DGKB: variants seen among roughly 807,000 people sequenced by gnomAD.
The protein encoded by DGKB is diacylglycerol kinase beta, also known as 90 kDa diacylglycerol kinase.
A neutral mutation model predicts 114.3 loss-of-function variants in DGKB; 67 were observed. That is an observed-to-expected ratio of 0.59 (90% CI 0.48 to 0.72). DGKB has a LOEUF of 0.72. Ranked by LOEUF, DGKB falls within the 30% of genes least tolerant of loss-of-function variation. DGKB has a pLI of 0.00. For synonymous variants in DGKB, 398 were observed against 323.1 expected (o/e 1.23, Z -2.49); for missense variants, 907 against 975.2 (o/e 0.93, Z 0.93).
At chr7:14,394,892 T>C (rs1411198641) in intron 21 of DGKB, among the ~76,000 whole-genome samples, 3 of 152,136 alleles carry the variant, frequency 2.0e-5, no homozygotes, top group Non-Finnish European at 1.5e-5. Context: ...AAAATCCATA[T>C]ATATGACTAA....
At chr7:14,433,827 G>A (rs909603625) in intron 21 of DGKB, among the ~76,000 whole-genome samples, 8 of 152,010 alleles carry the variant, frequency 5.3e-5, no homozygotes, top group Admixed American at 1.3e-4. Context: ...GAGATATCTT[G>A]GGGATGGGAC....
intron 1 of DGKB, among the ~76,000 whole-genome samples, chr7:14,940,922 A>C (rs7800729): frequency 0.14 from 21,729 of 151,956 alleles, 1,627 homozygotes; most frequent in Admixed American, 0.2. Context: ...ATATTTACTG[A>C]TTTTTAATAA....
At chr7:14,458,019 C>T (rs1416386256) in intron 21 of DGKB, among the ~76,000 whole-genome samples, 5 of 152,118 alleles carry the variant, frequency 3.3e-5, no homozygotes, top group African/African-American at 1.2e-4. Context: ...TGGGCTAGCG[C>T]CCTCTGCTGG....
intron 21 of DGKB, among the ~76,000 whole-genome samples, chr7:14,470,871 T>C (rs1278475782): frequency 2.0e-5 from 3 of 151,614 alleles, no homozygotes; most frequent in African/African-American, 7.2e-5. Context: ...TGAATTGCTC[T>C]GGAACTTCAA....
intron 21 of DGKB, among the ~76,000 whole-genome samples, chr7:14,434,472 A>G (rs1828942704): frequency 6.6e-6 from 1 of 152,140 alleles, no homozygotes. Context: ...GAGTTATGCA[A>G]TGTGAGATGA....
intron 1 of DGKB, among the ~76,000 whole-genome samples, chr7:14,909,980 G>A (rs537135436): frequency 6.6e-6 from 1 of 152,142 alleles, no homozygotes; most frequent in African/African-American, 2.4e-5. Context: ...GCCGAGGTGG[G>A]TGGATCACTT....
intron 21 of DGKB, among the ~76,000 whole-genome samples, chr7:14,376,890 G>A (rs1465544020): frequency 6.6e-6 from 1 of 152,124 alleles, no homozygotes; most frequent in Non-Finnish European, 1.5e-5. Flanking sequence ...AACTTGAAAG[G>A]GAAATTTTGC....
At chr7:14,740,941 C>T (rs377243487) in intron 4 of DGKB, among the ~76,000 whole-genome samples, 14 of 152,072 alleles carry the variant, frequency 9.2e-5, no homozygotes, top group Admixed American at 5.2e-4. Flanking sequence ...CCTGGGCATT[C>T]GATAGGAAGA....
chr7:14,228,560 A>G (rs893215113), intron 23 of DGKB, among the ~76,000 whole-genome samples: 4 of 151,978 alleles, frequency 2.6e-5, no homozygotes, highest in African/African-American at 4.8e-5. Flanking sequence ...ACACTCACAC[A>G]CACAGTACAG....
chr7:14,601,189 C>T (rs547773418), intron 17 of DGKB, among the ~76,000 whole-genome samples: 30 of 152,158 alleles, frequency 2.0e-4, no homozygotes, highest in Non-Finnish European at 3.5e-4. Flanking sequence ...CTGAGGCTCA[C>T]TGGAGCCACA....
intron 2 of DGKB, among the ~76,000 whole-genome samples, chr7:14,791,550 T>C (rs1241415267): frequency 6.6e-6 from 1 of 152,164 alleles, no homozygotes; most frequent in African/African-American, 2.4e-5. Flanking sequence ...GCTGTGGGTA[T>C]TGTATAGATG....
intron 20 of DGKB, among the ~76,000 whole-genome samples, chr7:14,528,425 T>C (rs1461256155): frequency 6.6e-6 from 1 of 152,064 alleles, no homozygotes; most frequent in East Asian, 1.9e-4. Flanking sequence ...TTTAAGTACA[T>C]TTAAGAACAG....
At chr7:14,333,822 A>T (rs1810172771) in intron 23 of DGKB, among the ~76,000 whole-genome samples, 1 of 152,212 alleles carries the variant, frequency 6.6e-6, no homozygotes, top group African/African-American at 2.4e-5. Context: ...CAACAAAACA[A>T]ATTCATGACA....
intron 19 of DGKB, among the ~76,000 whole-genome samples, chr7:14,575,825 C>T (rs1799042319): frequency 6.6e-6 from 1 of 152,184 alleles, no homozygotes; most frequent in African/African-American, 2.4e-5. Flanking sequence ...TATGAGTCCT[C>T]ATTAGAGCTA....
chr7:14,278,687 G>A (rs535941893), intron 23 of DGKB, among the ~76,000 whole-genome samples: 5 of 152,140 alleles, frequency 3.3e-5, no homozygotes, highest in South Asian at 2.1e-4. Flanking sequence ...ATAACAGAGG[G>A]AAAGGACAGC....
chr7:14,607,592 T>C (rs1446082314), intron 16 of DGKB, 84 bp from the exon 17 acceptor site: 1 of 457,874 alleles, frequency 2.2e-6, no homozygotes, highest in South Asian at 4.4e-5. Context: ...TTATAAAATA[T>C]ATATAGTTGC....
chr7:14,225,710 A>T (rs1425389466), intron 23 of DGKB, among the ~76,000 whole-genome samples: 1 of 151,528 alleles, frequency 6.6e-6, no homozygotes, highest in African/African-American at 2.4e-5. Flanking sequence ...ATATATTTTT[A>T]AAAAGTGATA....
At position 14,152,536 on chromosome 7, in the gene DGKB, G is replaced by A. The variant is rs570905847; in HGVS notation, c.2305-3298C>T. Among the ~76,000 whole-genome samples the A allele has an allele frequency of 3.2e-4, 49 of 152,096 alleles. No individual in the cohort carries two copies. In the Middle Eastern group the frequency reaches 0.01, roughly 32 times the overall value. On this transcript the variant is annotated intron_variant, in intron 25 of 25. Transcript: ENST00000402815. ...TAAAACTCTTCCTTCTCCTTATCAT[G>A]TACCCTTCTAGAAAAGCAACAGTGG...
rs1267670829 is a variant in DGKB, at chr7:14,701,797, T to G, written c.467-67A>C. On this transcript the variant is annotated intron_variant, in intron 6 of 25. Transcript: ENST00000402815. ...AAGATCAATGTTAGTTTAAAGTATA[T>G]TCATTAAAATTTAGTTTGTGTTGAA... The G allele has an allele frequency of 3.7e-6, 4 of 1,066,908 alleles. No individual in the cohort carries two copies. In the African/African-American group the frequency reaches 4.7e-5, roughly 13 times the overall value. 66.1% of individuals were successfully genotyped at this position (1,066,908 alleles called of 1,614,324 possible).
Sources: allele counts gnomAD v4.1 joint callset (sites outside exome capture counted in the v4.1 genomes callset), GRCh38; gene constraint gnomAD v4.1.1; transcripts MANE v1.5; gene names NCBI Gene and HGNC (gene_info 2026-07-23, HGNC 2026-07-21).